The following UBE2J1 variants were observed in gnomAD, a reference collection of about 807,000 sequenced individuals.
The protein encoded by UBE2J1 is ubiquitin-conjugating enzyme E2 J1.
UBE2J1 carries 17 observed loss-of-function variants against 42.1 expected under a neutral mutation model. That is an observed-to-expected ratio of 0.40 (90% CI 0.28 to 0.61). The LOEUF (loss-of-function observed/expected upper bound fraction) is 0.61. Ranked by LOEUF, UBE2J1 falls within the 20% of genes least tolerant of loss-of-function variation. The probability of loss-of-function intolerance (pLI) is 0.38; values close to 1 mark genes in which losing one functional copy is unlikely to be tolerated. For missense variants in UBE2J1, 291 were observed against 389.4 expected (o/e 0.75, Z 2.13); for synonymous variants, 127 against 137.2 (o/e 0.93, Z 0.52).
intron 5 of UBE2J1, among the ~76,000 whole-genome samples, chr6:89,336,022 C>T (rs547725187): frequency 3.3e-5 from 5 of 152,124 alleles, no homozygotes; most frequent in African/African-American, 1.2e-4. Flanking sequence ...TTTGTTTTTC[C>T]ATTTTTCCCT....
chr6:89,328,548 T>C lies in UBE2J1; in HGVS notation c.*1131A>G, dbSNP rs923844623. 6.6e-6 allele frequency: 1 copy of C among 152,222 alleles called. No individual in the cohort carries two copies. Among genetic ancestry groups the C allele is most frequent in the Non-Finnish European group, 1.5e-5 (1 of 68,028 alleles). The allele number at this position is 152,222 out of a possible 1,614,324, so 9.4% of individuals were successfully genotyped here. Reference sequence around the variant, plus strand: ...TGCCCTCAGTGCTGCGAACTGAACATGCTGAAGGCAATGTTTTTCTGTGAT... The same window carrying C: ...TGCCCTCAGTGCTGCGAACTGAACACGCTGAAGGCAATGTTTTTCTGTGAT... On this transcript the variant is annotated 3_prime_UTR_variant, in exon 8 of 8. Coordinates refer to ENST00000435041, the MANE Select transcript of UBE2J1 (RefSeq NM_016021.3).
intron 3 of UBE2J1, 119 bp from the exon 4 acceptor site, chr6:89,338,662 T>G (rs1393627146): frequency 6.7e-5 from 17 of 253,700 alleles, no homozygotes; most frequent in East Asian, 5.9e-4. Context: ...AGTTTGTTTT[T>G]TTTTTTTTTT....
chr6:89,348,686 C>G (rs75337109), intron 1 of UBE2J1, among the ~76,000 whole-genome samples: 6,785 of 152,258 alleles, frequency 0.045, 208 homozygotes, highest in Non-Finnish European at 0.072. Flanking sequence ...TCTTCCGTAA[C>G]AGTCAGTAGA....
rs183231951 is a variant in UBE2J1 at position 89,347,420 on chromosome 6, A to G, written c.32-3664T>C. On this transcript the variant is annotated intron_variant, in intron 1 of 7. Transcript: ENST00000435041. ...AGATTTTATGTCATTCTATACCCTTATCGCATTTTCTCTGCCTCTTCCCTA... is the reference window on the plus strand; with the variant it reads ...AGATTTTATGTCATTCTATACCCTTGTCGCATTTTCTCTGCCTCTTCCCTA... Among the ~76,000 whole-genome samples, 632 of 152,346 alleles carry G rather than the reference A, an allele frequency of 4.1e-3. 2 individuals carry two copies. The highest frequency in any genetic ancestry group is 0.014 in the African/African-American group (602 of 41,580).
intron 7 of UBE2J1, among the ~76,000 whole-genome samples, chr6:89,330,185 T>C (rs1015949346): frequency 6.6e-6 from 1 of 152,188 alleles, no homozygotes; most frequent in Non-Finnish European, 1.5e-5. Context: ...TTTATTAATA[T>C]ATTTAGAAAA....
In UBE2J1 at chr6:89,331,597, G is replaced by A. The variant is rs9451202; in HGVS notation, c.678+1489C>T. The stretch of plus-strand genomic sequence containing the variant: ...GGCACTGGGGATACAGTGGAGAAGC[G>A]GAAAGAGACCCCTGACCCTCACAGA... On this transcript the variant is annotated intron_variant, in intron 7 of 7. Transcript: ENST00000435041. 6.8e-3 allele frequency among the ~76,000 whole-genome samples: 1,036 copies of A among 152,228 alleles called. 14 individuals are homozygous for A. The highest frequency in any genetic ancestry group is 0.023 in the African/African-American group (974 of 41,518).
In UBE2J1 at chr6:89,343,731, C is replaced by T. The variant is rs371441954; in HGVS notation, c.57G>A (p.Ala19=). ...SPAVKRLMKE[A]AELKDPTDHY... ...GATCTGTTGGATCTTTCAATTCTGC[C>T]GCTTCTTTCATTAAACGTTTAACAG... The change falls in exon 2 of 8, where the codon GCG becomes GCA. Residue 19 remains alanine, a synonymous_variant. Transcript: ENST00000435041. 90 of 1,608,712 alleles carry T rather than the reference C, an allele frequency of 5.6e-5. No individual in the cohort carries two copies. The highest frequency in any genetic ancestry group is 1.5e-4 in the Admixed American group (9 of 59,708).
In UBE2J1 at chr6:89,335,399, G is replaced by C. The variant is rs1322437252; in HGVS notation, c.461C>G (p.Ser154Cys). The C allele has an allele frequency of 6.3e-7, 1 of 1,597,704 alleles. No homozygotes were observed. The highest frequency in any genetic ancestry group is 1.7e-5 in the Admixed American group (1 of 58,974). Residue 154 changes from serine to cysteine, a missense_variant, in exon 6 of 8, where the codon TCT becomes TGT. Ser to Cys is a moderately radical substitution (Grantham distance 112). This residue lies in a region of UBE2J1 where 115 missense variants were observed against 193.1 expected (regional missense o/e 0.60). Transcript: ENST00000435041. ...AGGCAACAGGACATCCTTCATGGCA[G>C]AGCCACATCCTTCACAACAGAAATC... is the stretch of plus-strand genomic sequence containing the variant. ...SQDFCCEGCG[S>C]AMKDVLLPLK... is the part of the protein sequence containing the mutation.
At chr6:89,335,099 C>A (rs1404900126) in intron 6 of UBE2J1, among the ~76,000 whole-genome samples, 1 of 152,028 alleles carries the variant, frequency 6.6e-6, no homozygotes. Flanking sequence ...ACATTCCATG[C>A]CAGTATTAAA....
chr6:89,338,328 A>G lies in UBE2J1; in HGVS notation c.323-18T>C, dbSNP rs1307485884. On this transcript the variant is annotated intron_variant, in intron 4 of 7. Transcript: ENST00000435041. ...TGTCCTTACTGAAATAAAAAAGTAAATATCAATCTAAATTGCTTTGTAAAA... is the reference window on the plus strand; with the variant it reads ...TGTCCTTACTGAAATAAAAAAGTAAGTATCAATCTAAATTGCTTTGTAAAA... 2 of 1,605,172 alleles carry G rather than the reference A, an allele frequency of 1.2e-6. No homozygotes were observed. Among genetic ancestry groups the G allele is most frequent in the South Asian group, 1.1e-5 (1 of 89,674 alleles).
rs536644565 is a variant in UBE2J1, at chr6:89,344,778, T to A, written c.32-1022A>T. On this transcript the variant is annotated intron_variant, in intron 1 of 7. Coordinates refer to ENST00000435041, the MANE Select transcript of UBE2J1 (RefSeq NM_016021.3). ...TAGTCTAATTTCTCCTCTCTTTCAG[T>A]TAATGGCACCCAGCTTTTTATCTCC... Among the ~76,000 whole-genome samples the A allele has an allele frequency of 7.9e-5, 12 of 152,366 alleles. No homozygotes were observed. In the South Asian group the frequency reaches 2.3e-3, roughly 29 times the overall value.
chr6:89,340,173 GATAA>G (rs546199148), intron 3 of UBE2J1, among the ~76,000 whole-genome samples: 128 of 152,256 alleles, frequency 8.4e-4, no homozygotes, highest in Admixed American at 2.3e-3. Flanking sequence ...TGAATGAAAG[GATAA>G]ATAAATACTT....
Position 89,346,364 on chromosome 6 carries a change from C to T in UBE2J1, c.32-2608G>A, listed in dbSNP as rs140095611. ...TATGGCTTTGGTCACTAAAGACTGA[C>T]GGCTGGGAGGTGCAGTCAATACAAA... On this transcript the variant is annotated intron_variant, in intron 1 of 7. Coordinates refer to ENST00000435041, the MANE Select transcript of UBE2J1 (RefSeq NM_016021.3). Among the ~76,000 whole-genome samples, 806 of 152,148 alleles carry T rather than the reference C, an allele frequency of 5.3e-3. 7 individuals are homozygous for T. The highest frequency in any genetic ancestry group is 8.0e-3 in the Non-Finnish European group (546 of 67,996).
At chr6:89,348,127 C>T (rs1221588879) in intron 1 of UBE2J1, among the ~76,000 whole-genome samples, 1 of 152,168 alleles carries the variant, frequency 6.6e-6, no homozygotes, top group Non-Finnish European at 1.5e-5. Context: ...TTCTACATGG[C>T]TAGAGAGGAA....
chr6:89,346,805 A>G (rs2127872796), intron 1 of UBE2J1, among the ~76,000 whole-genome samples: 1 of 152,322 alleles, frequency 6.6e-6, no homozygotes, highest in Non-Finnish European at 1.5e-5. Flanking sequence ...GCTCTATGCC[A>G]TCATAACACT....
chr6:89,340,721 G>GTTT (rs1056818948), intron 3 of UBE2J1, among the ~76,000 whole-genome samples: 1 of 151,674 alleles, frequency 6.6e-6, no homozygotes, highest in African/African-American at 2.4e-5. Context: ...ACAAAATAGA[G>GTTT]GTAAAAGCAG....
In UBE2J1 at chr6:89,333,215, AG is replaced by A. The variant is rs1768043557; in HGVS notation, c.559-11del. The A allele has an allele frequency of 6.2e-7, 1 of 1,605,450 alleles. No homozygotes were observed. The highest frequency in any genetic ancestry group is 1.3e-5 in the African/African-American group (1 of 74,614). ...ATGAATTGACTTCTGCCTATAAACA[AG>A]ATAGACCCAAGAGCAGTGTGACAAC... is the stretch of plus-strand genomic sequence containing the variant. On this transcript the variant is annotated splice_polypyrimidine_tract_variant and intron_variant, in intron 6 of 7. Transcript: ENST00000435041.
chr6:89,343,348 T>C (rs1369862113), intron 2 of UBE2J1, among the ~76,000 whole-genome samples: 3 of 149,296 alleles, frequency 2.0e-5, no homozygotes, highest in South Asian at 2.1e-4. Flanking sequence ...GGCAGGAGAA[T>C]TGCTTGAACC....
rs1768303394 is a variant in UBE2J1, at chr6:89,343,695, C to T, written c.93G>A (p.Ala31=). 5.0e-6 allele frequency: 8 copies of T among 1,605,886 alleles called. No homozygotes were observed. The highest frequency in any genetic ancestry group is 1.3e-5 in the African/African-American group (1 of 74,720). Residue 31 remains alanine (A), a synonymous_variant, in exon 2 of 8, where the codon GCG becomes GCA. Coordinates refer to ENST00000435041, the MANE Select transcript of UBE2J1 (RefSeq NM_016021.3). ...ELKDPTDHYH[A]QPLEDNLFEW... ...GATAGAAACTAACCTCTAAAGGCTG[C>T]GCATGGTAATGATCTGTTGGATCTT...
Sources: allele counts gnomAD v4.1 joint callset (sites outside exome capture counted in the v4.1 genomes callset), GRCh38; gene constraint gnomAD v4.1.1; regional missense constraint gnomAD v4.1.1; transcripts MANE v1.5; gene names NCBI Gene and HGNC (gene_info 2026-07-23, HGNC 2026-07-21).